Variants in S100A8 observed in about 807,000 individuals in gnomAD.
S100A8 encodes S100 calcium binding protein A8, also known as protein S100-A8.
Under a neutral mutation model 4.2 loss-of-function variants are expected in S100A8, and 1 was observed. The ratio of observed to expected loss-of-function variants is 0.24; its 90% confidence interval spans 0.08 to 1.12. The LOEUF is 1.12. Ranked by LOEUF, S100A8 falls within the 50% of genes most tolerant of loss-of-function variation. The pLI is 0.53. For missense variants in S100A8, 96 were observed against 111.8 expected, an observed-to-expected ratio of 0.86 and a Z score of 0.64; for synonymous variants, 41 against 44.7, an observed-to-expected ratio of 0.92 and a Z score of 0.33.
At chr1:153,419,419 A>C in the S100A8 span, 6 of 1,240,898 alleles carry the variant, frequency 4.8e-6, no homozygotes, top group Non-Finnish European at 6.7e-6. Context: ...TGTCAAAACT[A>C]CCAATTCCAG....
At chr1:153,418,826 G>A in the S100A8 span, among the ~76,000 whole-genome samples, 3 of 152,190 alleles carry the variant, frequency 2.0e-5, no homozygotes, top group Admixed American at 2.0e-4. Flanking sequence ...AAGGTAGGCA[G>A]TGCCCTTAAA....
chr1:153,410,157 C>CA, the S100A8 span, among the ~76,000 whole-genome samples: 8 of 152,052 alleles, frequency 5.3e-5, no homozygotes, highest in East Asian at 3.9e-4. Flanking sequence ...GATAGAGACA[C>CA]AAAAAACCCT....
chr1:153,406,564 A>C, the S100A8 span, among the ~76,000 whole-genome samples: 1 of 152,220 alleles, frequency 6.6e-6, no homozygotes. Flanking sequence ...CAGCACTCAC[A>C]GCATAAATGA....
At position 153,391,069 on chromosome 1, in the gene S100A8, G is replaced by C. The variant is rs1210782672; in HGVS notation, c.-51C>G. 1.0e-6 allele frequency: 1 copy of C among 986,422 alleles called. No individual in the cohort carries two copies. Among genetic ancestry groups the C allele is most frequent in the African/African-American group, 1.7e-5 (1 of 57,254 alleles). 61.1% of individuals were successfully genotyped at this position (986,422 alleles called of 1,614,324 possible). A position where few individuals can be genotyped will look rare whatever the true frequency, so the allele number is the denominator to read the frequency against. On this transcript the variant is annotated 5_prime_UTR_variant, in exon 1 of 3. Coordinates refer to ENST00000368733, the MANE Select transcript of S100A8 (RefSeq NM_002964.5). Reference sequence around the variant, plus strand: ...GTCTTCTGAAAGACAGCTGACAAGAGACATGCAGGGCTGAGAGGCAGCTCC... The same window carrying C: ...GTCTTCTGAAAGACAGCTGACAAGACACATGCAGGGCTGAGAGGCAGCTCC...
chr1:153,406,296 C>T, the S100A8 span, among the ~76,000 whole-genome samples: 11 of 152,274 alleles, frequency 7.2e-5, no homozygotes, highest in East Asian at 2.1e-3. Flanking sequence ...GCAAACATAG[C>T]ATATGTGTGG....
At chr1:153,418,125 G>C in the S100A8 span, 2 of 1,614,088 alleles carry the variant, frequency 1.2e-6, no homozygotes, top group South Asian at 1.1e-5. Context: ...AGGCATGATC[G>C]ACATGTTTCA....
At chr1:153,394,139 G>T (rs1184173670), upstream of S100A8, among the ~76,000 whole-genome samples, 1 of 152,156 alleles carries the variant, frequency 6.6e-6, no homozygotes, top group African/African-American at 2.4e-5. Flanking sequence ...AGCGGAACCT[G>T]GTCATGTTTA....
upstream of S100A8, among the ~76,000 whole-genome samples, chr1:153,395,641 C>G (rs1557849631): frequency 6.6e-6 from 1 of 152,150 alleles, no homozygotes; most frequent in Admixed American, 6.5e-5. Context: ...GTCCCAGGGC[C>G]CTCGCCCCTT....
At chr1:153,422,509 C>G in the S100A8 span, 2 of 985,038 alleles carry the variant, frequency 2.0e-6, no homozygotes, top group Non-Finnish European at 2.4e-6. Context: ...GCTCTATGCC[C>G]ACACTCACAT....
chr1:153,397,804 G>T, the S100A8 span, among the ~76,000 whole-genome samples: 1 of 152,130 alleles, frequency 6.6e-6, no homozygotes, highest in Non-Finnish European at 1.5e-5. Context: ...GAGGCTTCCT[G>T]CCCGGGACAG....
the S100A8 span, among the ~76,000 whole-genome samples, chr1:153,414,383 A>C: frequency 6.6e-6 from 1 of 152,228 alleles, no homozygotes; most frequent in African/African-American, 2.4e-5. Flanking sequence ...GTTATCCAAA[A>C]CGTACAAAGA....
At chr1:153,395,481 A>G (rs1662193425), upstream of S100A8, among the ~76,000 whole-genome samples, 1 of 151,920 alleles carries the variant, frequency 6.6e-6, no homozygotes, top group African/African-American at 2.4e-5. Flanking sequence ...CTGGACCTTG[A>G]TGTTCTGCCT....
the S100A8 span, chr1:153,422,575 A>G: frequency 1.0e-6 from 1 of 980,074 alleles, no homozygotes; most frequent in Non-Finnish European, 1.2e-6. Context: ...AAATTCTGAT[A>G]TCAAAACATT....
At position 153,390,205 on chromosome 1, in the gene S100A8, G is replaced by T; in HGVS notation, c.180C>A (p.Ile60=). The T allele has an allele frequency of 6.2e-7, 1 of 1,613,954 alleles. No homozygotes were observed. The part of the protein sequence containing the change: ...GADVWFKELD[I]NTDGAVNFQE... ...GGAAGTTAACTGCACCATCAGTGTT[G>T]ATATCCAACTCTTTGAACCAGACGT... The change falls in exon 3 of 3, where the codon ATC becomes ATA. Residue 60 remains isoleucine, a synonymous_variant. Coordinates refer to ENST00000368733, the MANE Select transcript of S100A8 (RefSeq NM_002964.5).
chr1:153,393,070 A>T (rs113717678), upstream of S100A8, among the ~76,000 whole-genome samples: 322 of 152,328 alleles, frequency 2.1e-3, 1 homozygote, highest in African/African-American at 7.5e-3. Context: ...ACTAAGCCCC[A>T]CAGAGAGACA....
At chr1:153,418,475 G>T in the S100A8 span, among the ~76,000 whole-genome samples, 1 of 152,178 alleles carries the variant, frequency 6.6e-6, no homozygotes, top group East Asian at 1.9e-4. Flanking sequence ...TGAGGACAGT[G>T]CACAGTCCCC....
chr1:153,390,619 A>G lies in S100A8; in HGVS notation c.-22-62T>C, dbSNP rs563339679. On this transcript the variant is annotated intron_variant, in intron 1 of 2. Coordinates refer to ENST00000368733, the MANE Select transcript of S100A8 (RefSeq NM_002964.5). ...GGAATTTGCATCTGGCCAGGGCAGT[A>G]CGCAGAGGATTCATGCCCCAAGCGA... 1,546 of 1,582,140 alleles carry G rather than the reference A, an allele frequency of 9.8e-4. 7 individuals carry two copies. In the Middle Eastern group the frequency reaches 0.01, roughly 11 times the overall value.
chr1:153,411,895 T>C, the S100A8 span, among the ~76,000 whole-genome samples: 2 of 152,190 alleles, frequency 1.3e-5, no homozygotes, highest in Non-Finnish European at 2.9e-5. Context: ...GATTCCCTAT[T>C]TAATAAATGG....
the S100A8 span, among the ~76,000 whole-genome samples, chr1:153,415,120 G>A: frequency 6.6e-6 from 1 of 151,878 alleles, no homozygotes; most frequent in African/African-American, 2.4e-5. Context: ...TCTTTTTATG[G>A]TTGAGTAGTA....
Sources: gnomAD v4.1 joint callset for allele counts (sites outside exome capture counted in the v4.1 genomes callset) on GRCh38, gnomAD v4.1.1 for gene constraint, MANE v1.5 for transcripts, NCBI Gene and HGNC (gene_info 2026-07-23, HGNC 2026-07-21) for gene names.